The following NAP1L1 variants were observed in gnomAD, a reference collection of about 807,000 sequenced individuals.
The protein encoded by NAP1L1 is nucleosome assembly protein 1 like 1.
A neutral mutation model predicts 58.9 loss-of-function variants in NAP1L1; 9 were observed. That is an observed-to-expected ratio of 0.15 (90% CI 0.09 to 0.27). The LOEUF (loss-of-function observed/expected upper bound fraction) is 0.27. Among genes scored for constraint, NAP1L1 ranks in the 10% least tolerant of loss-of-function variants. The pLI is 1.00. For synonymous variants in NAP1L1, 130 were observed against 138.3 expected (o/e 0.94, Z 0.42); for missense variants, 302 against 458.8 (o/e 0.66, Z 3.12).
At position 76,048,093 on chromosome 12, in the gene NAP1L1, A is replaced by C; in HGVS notation, c.*336T>G. On this transcript the variant is annotated 3_prime_UTR_variant, in exon 15 of 15. Coordinates refer to ENST00000618691, the MANE Select transcript of NAP1L1 (RefSeq NM_004537.7). ...AAAAAATACTTTGGTTCTTCAAGGA[A>C]AAAATTACAAAAAAAAAAAAAAGGT... The C allele has an allele frequency of 3.8e-6, 1 of 263,468 alleles. No individual in the cohort carries two copies. Among genetic ancestry groups the C allele is most frequent in the East Asian group, 7.2e-5 (1 of 13,862 alleles). 16.3% of individuals were successfully genotyped at this position (263,468 alleles called of 1,614,324 possible).
rs201828400 is a variant in NAP1L1, at chr12:76,048,395, T to C, written c.*34A>G. ...AAGAGTTGTGTTTAGGCTATTACAG[T>C]GCAGGTTATCCTCAAGGCCACATAC... On this transcript the variant is annotated 3_prime_UTR_variant, in exon 15 of 15. Transcript: ENST00000618691. 59 of 1,611,100 alleles carry C rather than the reference T, an allele frequency of 3.7e-5. No individual in the cohort carries two copies. The highest frequency in any genetic ancestry group is 4.6e-5 in the Non-Finnish European group (54 of 1,178,370).
At chr12:76,052,898 A>T (rs1948908364) in intron 11 of NAP1L1, among the ~76,000 whole-genome samples, 193 bp downstream of exon 11, 1 of 152,202 alleles carries the variant, frequency 6.6e-6, no homozygotes, top group Admixed American at 6.5e-5. Flanking sequence ...TAAGCTTTTT[A>T]TCTCAGTGTT....
intron 6 of NAP1L1, among the ~76,000 whole-genome samples, chr12:76,058,765 T>C (rs1949264963): frequency 6.6e-6 from 1 of 152,200 alleles, no homozygotes; most frequent in Non-Finnish European, 1.5e-5. Context: ...TTTACTGATC[T>C]AAAGCTGAGT....
Position 76,072,202 on chromosome 12 carries a change from T to C in NAP1L1, c.17+2001A>G, listed in dbSNP as rs370406992. ...CATCCTAGATTGAGACCAAAACAAA[T>C]GAGAGAAAGAAAATGTAAGAGCAAA... is the stretch of plus-strand genomic sequence containing the variant. On this transcript the variant is annotated intron_variant, in intron 2 of 14. Coordinates refer to ENST00000618691, the MANE Select transcript of NAP1L1 (RefSeq NM_004537.7). Among the ~76,000 whole-genome samples, 14 of 105,260 alleles carry C rather than the reference T, an allele frequency of 1.3e-4. No individual in the cohort carries two copies. The East Asian group carries it at 3.4e-3, about 25-fold the overall frequency. 69.1% of individuals were successfully genotyped at this position (105,260 alleles called of 152,430 possible).
chr12:76,054,221 T>C (rs1948971349), intron 8 of NAP1L1, among the ~76,000 whole-genome samples: 1 of 152,060 alleles, frequency 6.6e-6, no homozygotes, highest in Non-Finnish European at 1.5e-5. Flanking sequence ...GTACAGACAG[T>C]GTTTCACCAC....
At chr12:76,054,034 A>T in intron 8 of NAP1L1, 125 bp from the exon 9 acceptor site, 1 of 1,140,302 alleles carries the variant, frequency 8.8e-7, no homozygotes, top group Non-Finnish European at 1.2e-6. Context: ...ACTCTGAAAT[A>T]CAATCTTCTT....
chr12:76,037,501 T>A lies in NAP1L1; in HGVS notation c.*10928A>T, dbSNP rs1871077039. On this transcript the variant is annotated 3_prime_UTR_variant, in exon 15 of 15. Coordinates refer to ENST00000618691, the MANE Select transcript of NAP1L1 (RefSeq NM_004537.7). ...ATCACCTGATCCATACTCATACACA[T>A]GGCCTTCAGTTTTACTCTTAAAACA... The A allele has an allele frequency of 6.6e-6, 1 of 152,298 alleles. No individual in the cohort carries two copies. The highest frequency in any genetic ancestry group is 2.4e-5 in the African/African-American group (1 of 41,468). The allele number at this position is 152,298 out of a possible 1,614,324, so 9.4% of individuals were successfully genotyped here.
Position 76,050,515 on chromosome 12 carries a change from A to G in NAP1L1, c.1059+16T>C. 1 of 1,596,478 alleles carries G rather than the reference A, an allele frequency of 6.3e-7. No homozygotes were observed. Among genetic ancestry groups the G allele is most frequent in the Non-Finnish European group, 8.5e-7 (1 of 1,174,454 alleles). Reference sequence around the variant, plus strand: ...CCTCAACCAATTATTTCTTTGCAGGATTCAAATTCGCTTACATCATCATCA... The same window carrying G: ...CCTCAACCAATTATTTCTTTGCAGGGTTCAAATTCGCTTACATCATCATCA... On this transcript the variant is annotated intron_variant, in intron 12 of 14. Coordinates refer to ENST00000618691, the MANE Select transcript of NAP1L1 (RefSeq NM_004537.7).
intron 4 of NAP1L1, among the ~76,000 whole-genome samples, chr12:76,064,832 A>G (rs1470743987): frequency 6.6e-6 from 1 of 151,978 alleles, no homozygotes; most frequent in East Asian, 1.9e-4. Flanking sequence ...CTGGACCTCT[A>G]CTTCCCCAAC....
chr12:76,045,814 A>G lies in NAP1L1; in HGVS notation c.*2615T>C, dbSNP rs1015836560. 8 of 152,216 alleles carry G rather than the reference A, an allele frequency of 5.3e-5. No individual in the cohort carries two copies. The highest frequency in any genetic ancestry group is 1.7e-4 in the African/African-American group (7 of 41,576). The allele number at this position is 152,216 out of a possible 1,614,324, so 9.4% of individuals were successfully genotyped here. On this transcript the variant is annotated 3_prime_UTR_variant, in exon 15 of 15. Transcript: ENST00000618691. ...AAATTTTTTCATATCAGTTTTCTTTATAAGTGATTATATGATATTTCACCA... is the reference window on the plus strand; with the variant it reads ...AAATTTTTTCATATCAGTTTTCTTTGTAAGTGATTATATGATATTTCACCA...
intron 1 of NAP1L1, among the ~76,000 whole-genome samples, chr12:76,081,411 T>A (rs1950405331): frequency 6.6e-6 from 1 of 152,176 alleles, no homozygotes; most frequent in Non-Finnish European, 1.5e-5. Flanking sequence ...TGCTCTTCTG[T>A]ACCCTCTTTA....
intron 3 of NAP1L1, 113 bp downstream of exon 3, chr12:76,068,796 T>C (rs2137058197): frequency 3.0e-6 from 2 of 669,018 alleles, no homozygotes; most frequent in Non-Finnish European, 5.3e-6. Flanking sequence ...TATGGACCAG[T>C]AGATAAATGG....
At chr12:76,053,493 A>C in intron 9 of NAP1L1, 143 bp from the exon 10 acceptor site, 2 of 988,606 alleles carry the variant, frequency 2.0e-6, no homozygotes, top group Non-Finnish European at 2.9e-6. Flanking sequence ...AAAGGGAAAA[A>C]TTTTATTTCT....
chr12:76,060,881 C>T (rs1316009281), intron 4 of NAP1L1: 8 of 237,520 alleles, frequency 3.4e-5, no homozygotes, highest in Non-Finnish European at 7.0e-5. Context: ...TTCCTTTAGC[C>T]CAAAAACTCA....
intron 6 of NAP1L1, chr12:76,059,447 T>C (rs1264575364): frequency 2.7e-5 from 6 of 225,772 alleles, no homozygotes; most frequent in Middle Eastern, 1.6e-3. Flanking sequence ...ATAGCAATTA[T>C]GTCTTTTCAC....
At position 76,046,902 on chromosome 12, in the gene NAP1L1, A is replaced by G. The variant is rs543344237; in HGVS notation, c.*1527T>C. ...TTCCACTTTAAGTCTCATGACTACA[A>G]TACTATAGTGCTATCCCTGTAGTAT... On this transcript the variant is annotated 3_prime_UTR_variant, in exon 15 of 15. Transcript: ENST00000618691. 2 of 152,626 alleles carry G rather than the reference A, an allele frequency of 1.3e-5. No homozygotes were observed. The highest frequency in any genetic ancestry group is 1.3e-4 in the Admixed American group (2 of 15,284). 9.5% of individuals were successfully genotyped at this position (152,626 alleles called of 1,614,324 possible).
At chr12:76,082,212 C>T (rs1351056165) in intron 1 of NAP1L1, among the ~76,000 whole-genome samples, 1 of 152,172 alleles carries the variant, frequency 6.6e-6, no homozygotes, top group African/African-American at 2.4e-5. Context: ...CCAACAGATA[C>T]TGCTTCTTTA....
rs1948558737 is a variant in NAP1L1 at position 76,042,308 on chromosome 12, T to A, written c.*6121A>T. The A allele has an allele frequency of 6.6e-6, 1 of 152,198 alleles. No homozygotes were observed. The highest frequency in any genetic ancestry group is 1.5e-5 in the Non-Finnish European group (1 of 68,034). The allele number at this position is 152,198 out of a possible 1,614,324, so 9.4% of individuals were successfully genotyped here. ...AAGTGCTCATAGGCTCTAAGTACTT[T>A]TGTTTCCTTATTAATGTTCACCACG... On this transcript the variant is annotated 3_prime_UTR_variant, in exon 15 of 15. Coordinates refer to ENST00000618691, the MANE Select transcript of NAP1L1 (RefSeq NM_004537.7).
intron 4 of NAP1L1, chr12:76,061,116 T>C (rs750922809): frequency 5.2e-6 from 2 of 386,238 alleles, no homozygotes; most frequent in Admixed American, 3.2e-5. Context: ...ACAGCTTTGA[T>C]GAGATAAAGT....
Sources: allele counts gnomAD v4.1 joint callset (sites outside exome capture counted in the v4.1 genomes callset), GRCh38; gene constraint gnomAD v4.1.1; transcripts MANE v1.5; gene names NCBI Gene and HGNC (gene_info 2026-07-23, HGNC 2026-07-21).